The following MERTK variants were observed in gnomAD, a reference collection of about 807,000 sequenced individuals.
The protein encoded by MERTK is tyrosine-protein kinase Mer.
MERTK carries 69 observed loss-of-function variants against 99.3 expected under a neutral mutation model. That is an observed-to-expected ratio of 0.70 (90% CI 0.57 to 0.85). MERTK has a LOEUF of 0.85. Among genes scored for constraint, MERTK ranks in the 40% least tolerant of loss-of-function variants. The pLI is 0.00. For synonymous variants in MERTK, 426 were observed against 467.6 expected (o/e 0.91, Z 1.15); for missense variants, 1,125 against 1,249.4 (o/e 0.90, Z 1.50).
chr2:111,927,169 C>A (rs1425108902), intron 1 of MERTK, among the ~76,000 whole-genome samples: 2 of 152,232 alleles, frequency 1.3e-5, no homozygotes, highest in Non-Finnish European at 2.9e-5. Flanking sequence ...TTCTATCTGG[C>A]ATTGATCCTG....
At chr2:112,027,656 G>A (rs1211535755) in intron 18 of MERTK, among the ~76,000 whole-genome samples, 1 of 152,074 alleles carries the variant, frequency 6.6e-6, no homozygotes, top group East Asian at 1.9e-4. Flanking sequence ...ACATGGCCAT[G>A]GCATGTTCTG....
intron 2 of MERTK, among the ~76,000 whole-genome samples, chr2:111,935,178 T>C (rs139980983): frequency 1.1e-3 from 161 of 152,342 alleles, no homozygotes; most frequent in African/African-American, 3.8e-3. Context: ...GTTATCAAAA[T>C]GGCCATCCTT....
chr2:111,967,233 C>T lies in MERTK; in HGVS notation c.845-904C>T, dbSNP rs552146888. Among the ~76,000 whole-genome samples the T allele has an allele frequency of 2.0e-5, 3 of 152,304 alleles. No homozygotes were observed. In the East Asian group the frequency reaches 5.8e-4, roughly 29 times the overall value. The stretch of plus-strand genomic sequence containing the variant: ...CCCTGTTGTACTGCTTACAACCTCT[C>T]TGTGACTTTTGCCAAGCTTTTAACT... On this transcript the variant is annotated intron_variant, in intron 5 of 18. Coordinates refer to ENST00000295408, the MANE Select transcript of MERTK (RefSeq NM_006343.3).
chr2:112,015,055 A>G (rs1224119933), intron 15 of MERTK, among the ~76,000 whole-genome samples: 1 of 152,194 alleles, frequency 6.6e-6, no homozygotes, highest in East Asian at 1.9e-4. Flanking sequence ...ATTCCATTGT[A>G]TGCTTCTACC....
At chr2:111,989,722 C>G (rs1017534761) in intron 8 of MERTK, among the ~76,000 whole-genome samples, 1 of 152,120 alleles carries the variant, frequency 6.6e-6, no homozygotes, top group Non-Finnish European at 1.5e-5. Flanking sequence ...CAAGTACCAC[C>G]GCAGTTGCCC....
chr2:111,929,753 AT>A (rs72180817), intron 2 of MERTK, among the ~76,000 whole-genome samples: 5,568 of 143,124 alleles, frequency 0.039, 302 homozygotes, highest in African/African-American at 0.14. Flanking sequence ...CACCCAGCTA[AT>A]TTTTTTTTTT....
chr2:111,979,146 T>G (rs10166564), intron 7 of MERTK, among the ~76,000 whole-genome samples: 94,042 of 152,068 alleles, frequency 0.62, 29,472 homozygotes, highest in Middle Eastern at 0.69. Flanking sequence ...TTTGCCTTTC[T>G]TAGTTTATGC....
chr2:111,990,000 A>G (rs1049800642), intron 8 of MERTK, among the ~76,000 whole-genome samples: 2 of 152,222 alleles, frequency 1.3e-5, no homozygotes, highest in Non-Finnish European at 2.9e-5. Context: ...CCCCATGACC[A>G]GACCACCTCA....
chr2:112,008,690 C>T, intron 14 of MERTK: 2 of 627,242 alleles, frequency 3.2e-6, no homozygotes, highest in Non-Finnish European at 5.8e-6. Context: ...CTGATAGGCT[C>T]AGGAATGATT....
At chr2:111,988,708 G>A (rs1263354827) in intron 8 of MERTK, among the ~76,000 whole-genome samples, 5 of 152,214 alleles carry the variant, frequency 3.3e-5, no homozygotes, top group African/African-American at 1.2e-4. Flanking sequence ...CACTTTGGGA[G>A]GCCAAGGCAG....
intron 4 of MERTK, among the ~76,000 whole-genome samples, chr2:111,949,570 A>C (rs2104706517): frequency 6.6e-6 from 1 of 152,226 alleles, no homozygotes; most frequent in East Asian, 1.9e-4. Flanking sequence ...TCACTCTGAA[A>C]TCCCATAAAG....
At chr2:111,979,371 A>G (rs1026512737) in intron 7 of MERTK, among the ~76,000 whole-genome samples, 1 of 152,150 alleles carries the variant, frequency 6.6e-6, no homozygotes, top group African/African-American at 2.4e-5. Context: ...TCTGATACTT[A>G]AGTTTTCTAT....
At chr2:111,929,579 A>AGT in intron 2 of MERTK, 39 bp downstream of exon 2, 1 of 744,996 alleles carries the variant, frequency 1.3e-6, no homozygotes. Flanking sequence ...TTTTAGTTTT[A>AGT]ATATTTATTT....
Position 112,028,986 on chromosome 2 carries a change from A to G in MERTK, c.*122A>G. ...CAAGTGAACTCCATGGCCCCAAAGCACCAGATGAATGTTGTTAAGTAAGCT... is the reference window on the plus strand; with the variant it reads ...CAAGTGAACTCCATGGCCCCAAAGCGCCAGATGAATGTTGTTAAGTAAGCT... On this transcript the variant is annotated 3_prime_UTR_variant, in exon 19 of 19. Coordinates refer to ENST00000295408, the MANE Select transcript of MERTK (RefSeq NM_006343.3). 2 of 1,579,314 alleles carry G rather than the reference A, an allele frequency of 1.3e-6. No homozygotes were observed. Among genetic ancestry groups the G allele is most frequent in the Non-Finnish European group, 1.7e-6 (2 of 1,162,206 alleles).
chr2:111,943,040 C>G (rs934482367), intron 2 of MERTK, among the ~76,000 whole-genome samples: 3 of 152,214 alleles, frequency 2.0e-5, no homozygotes, highest in Non-Finnish European at 2.9e-5. Context: ...CTCACTACCA[C>G]ATGTCTGCTC....
At chr2:111,906,648 C>T (rs911093622) in intron 1 of MERTK, among the ~76,000 whole-genome samples, 2 of 152,234 alleles carry the variant, frequency 1.3e-5, no homozygotes, top group Admixed American at 6.5e-5. Flanking sequence ...TGCCTCCACA[C>T]AGGAAGTGAA....
intron 15 of MERTK, among the ~76,000 whole-genome samples, chr2:112,015,642 C>A (rs1423430368): frequency 2.8e-4 from 43 of 151,748 alleles, no homozygotes; most frequent in Non-Finnish European, 2.5e-4. Flanking sequence ...TCATTGCATT[C>A]TCTTAACACG....
intron 9 of MERTK, among the ~76,000 whole-genome samples, chr2:111,995,931 A>G (rs1256947203): frequency 3.9e-5 from 6 of 152,162 alleles, no homozygotes; most frequent in Non-Finnish European, 8.8e-5. Flanking sequence ...TGGGTGACAG[A>G]GTGAGACCCC....
At chr2:112,018,273 G>T (rs1001068760) in intron 15 of MERTK, among the ~76,000 whole-genome samples, 1 of 151,990 alleles carries the variant, frequency 6.6e-6, no homozygotes, top group Non-Finnish European at 1.5e-5. Context: ...AAGTGTTCTA[G>T]GAAAAAACAG....
Sources: gnomAD v4.1 joint callset for allele counts (sites outside exome capture counted in the v4.1 genomes callset) on GRCh38, gnomAD v4.1.1 for gene constraint, MANE v1.5 for transcripts, NCBI Gene and HGNC (gene_info 2026-07-23, HGNC 2026-07-21) for gene names.